Variants in CACNA1C observed in about 807,000 individuals in gnomAD.
CACNA1C encodes calcium voltage-gated channel subunit alpha1 C.
In CACNA1C, 30 loss-of-function variants were observed where a neutral mutation model predicts 229.0. The ratio of observed to expected loss-of-function variants is 0.13; its 90% CI spans 0.10 to 0.18. The LOEUF is 0.18. Among genes scored for constraint, CACNA1C ranks in the 10% least tolerant of loss-of-function variants. The pLI is 1.00. For synonymous variants in CACNA1C, 1,114 were observed against 1,132.5 expected (o/e 0.98, Z 0.33); for missense variants, 1,658 against 2,845.0 (o/e 0.58, Z 9.49).
intron 3 of CACNA1C, among the ~76,000 whole-genome samples, chr12:2,425,619 A>G (rs997998408): frequency 6.6e-6 from 1 of 152,234 alleles, no homozygotes; most frequent in African/African-American, 2.4e-5. Context: ...CCTTACCTTT[A>G]CAATATAACC....
Position 2,649,047 on chromosome 12 carries a change from G to A in CACNA1C, c.3945+540G>A, listed in dbSNP as rs372084104. Among the ~76,000 whole-genome samples, 7 of 152,162 alleles carry A rather than the reference G, an allele frequency of 4.6e-5. No individual in the cohort carries two copies. The highest frequency in any genetic ancestry group is 7.4e-5 in the Non-Finnish European group (5 of 68,020). On this transcript the variant is annotated intron_variant, in intron 31 of 46. Transcript: ENST00000399655. The surrounding 1 kb of genome is among the most constrained non-coding windows in gnomAD (Gnocchi z 4.4). ...TCAGCTGGGATTTGTTACTGAGCGC[G>A]TGATTGAATTTCCAGTCACTCCAAC... is the stretch of plus-strand genomic sequence containing the variant.
Position 2,435,264 on chromosome 12 carries a change from C to T in CACNA1C, c.478-13712C>T, listed in dbSNP as rs570511281. Among the ~76,000 whole-genome samples the T allele has an allele frequency of 2.6e-4, 39 of 152,370 alleles. 1 individual carries two copies. In the South Asian group the frequency reaches 5.8e-3, roughly 23 times the overall value. ...CATCCTGACCACCAGCCCCAGCAAT[C>T]GCCTTTTCTCCAAATCCTTAAACTG... On this transcript the variant is annotated intron_variant, in intron 3 of 46. Transcript: ENST00000399655.
intron 3 of CACNA1C, among the ~76,000 whole-genome samples, chr12:2,269,542 T>G (rs1056942204): frequency 6.6e-6 from 1 of 152,206 alleles, no homozygotes; most frequent in Non-Finnish European, 1.5e-5. Flanking sequence ...GATTATCTAC[T>G]TAGGACAGGT....
intron 4 of CACNA1C, among the ~76,000 whole-genome samples, chr12:2,451,228 G>A (rs1361780180): frequency 6.6e-6 from 1 of 152,204 alleles, no homozygotes; most frequent in Non-Finnish European, 1.5e-5. Context: ...GTGGCTAAAC[G>A]CATGCCTTGA....
At chr12:2,106,563 T>TG (rs1223600138) in intron 1 of CACNA1C, among the ~76,000 whole-genome samples, 2 of 116,706 alleles carry the variant, frequency 1.7e-5, no homozygotes, top group African/African-American at 6.5e-5. Flanking sequence ...CCACCTCAGC[T>TG]GGGCATCCTG....
In CACNA1C at chr12:2,677,627, G is replaced by A. The variant is rs2096890837; in HGVS notation, c.4957-106G>A. 2.3e-6 allele frequency: 3 copies of A among 1,304,800 alleles called. No individual in the cohort carries two copies. Among genetic ancestry groups the A allele is most frequent in the African/African-American group, 1.5e-5 (1 of 68,574 alleles). 80.8% of individuals were successfully genotyped at this position (1,304,800 alleles called of 1,614,324 possible). ...CCGGAGGGTCGACTGGCTGGGTGGA[G>A]GATGCCAGGGCCCTGGAGGGACAGG... On this transcript the variant is annotated intron_variant, in intron 40 of 46. Coordinates refer to ENST00000399655, the MANE Select transcript of CACNA1C (RefSeq NM_000719.7). The surrounding 1 kb of genome is among the most constrained non-coding windows in gnomAD (Gnocchi z 7.4).
Position 2,479,943 on chromosome 12 carries a change from G to C in CACNA1C, c.758-6161G>C, listed in dbSNP as rs959841203. Among the ~76,000 whole-genome samples, 1 of 152,228 alleles carries C rather than the reference G, an allele frequency of 6.6e-6. No individual in the cohort carries two copies. Among genetic ancestry groups the C allele is most frequent in the Non-Finnish European group, 1.5e-5 (1 of 68,048 alleles). Reference sequence around the variant, plus strand: ...TTGTGGTTAAGATTGCCCCAGTAAAGCCAGCAGAGTAGAGGACCCCTGGCC... The same window carrying C: ...TTGTGGTTAAGATTGCCCCAGTAAACCCAGCAGAGTAGAGGACCCCTGGCC... On this transcript the variant is annotated intron_variant, in intron 5 of 46. Transcript: ENST00000399655. This position sits in a 1 kb window ranked among gnomAD's most constrained non-coding sequence, Gnocchi z 4.3.
intron 3 of CACNA1C, among the ~76,000 whole-genome samples, chr12:2,143,755 AG>A (rs1170461501): frequency 1.3e-5 from 2 of 151,178 alleles, no homozygotes; most frequent in Non-Finnish European, 3.0e-5. Flanking sequence ...TAAACTTTAA[AG>A]GACTTTGTTG....
intron 1 of CACNA1C, among the ~76,000 whole-genome samples, chr12:1,987,635 A>G (rs191580040): frequency 5.3e-5 from 8 of 152,260 alleles, no homozygotes; most frequent in Admixed American, 5.2e-4. Flanking sequence ...TTTCCCATAT[A>G]TCATGTATGT....
chr12:2,621,137 G>A (rs759819709), intron 29 of CACNA1C, among the ~76,000 whole-genome samples: 15 of 152,194 alleles, frequency 9.9e-5, no homozygotes, highest in East Asian at 7.7e-4. Flanking sequence ...GTTCTTGAGC[G>A]CCTCAGTGAT....
At chr12:2,667,216 TAGTG>T (rs1033602066) in intron 37 of CACNA1C, among the ~76,000 whole-genome samples, 1 of 152,222 alleles carries the variant, frequency 6.6e-6, no homozygotes, top group African/African-American at 2.4e-5. Flanking sequence ...TCAGATTCCT[TAGTG>T]AGACCATGAC....
chr12:2,661,308 CACACACAA>C lies in CACNA1C; in HGVS notation c.4233-3516_4233-3509del, dbSNP rs1424672900. ...ACACACACACACACACACACACACA[CACACACAA>C]GATTTTTCTAAGAGTAGCAGACAAA... On this transcript the variant is annotated intron_variant, in intron 34 of 46. Transcript: ENST00000399655. Among the ~76,000 whole-genome samples, 254 of 150,774 alleles carry C rather than the reference CACACACAA, an allele frequency of 1.7e-3. No individual in the cohort carries two copies. The Middle Eastern group carries it at 0.034, about 20-fold the overall frequency.
rs1316992539 is a variant in CACNA1C, at chr12:2,630,981, A to G, written c.3829-3316A>G. Among the ~76,000 whole-genome samples, 1 of 152,094 alleles carries G rather than the reference A, an allele frequency of 6.6e-6. No homozygotes were observed. Among genetic ancestry groups the G allele is most frequent in the African/African-American group, 2.4e-5 (1 of 41,404 alleles). ...GGCTGTGCCTTCTGTCTGCACATAT[A>G]CAAAGAAATCTGGGAGAAAGGGTGA... is the stretch of plus-strand genomic sequence containing the variant. On this transcript the variant is annotated intron_variant, in intron 29 of 46. Coordinates refer to ENST00000399655, the MANE Select transcript of CACNA1C (RefSeq NM_000719.7). This position sits in a 1 kb window ranked among gnomAD's most constrained non-coding sequence, Gnocchi z 5.4.
intron 1 of CACNA1C, among the ~76,000 whole-genome samples, chr12:1,996,990 C>T (rs955852659): frequency 6.6e-6 from 1 of 152,062 alleles, no homozygotes; most frequent in African/African-American, 2.4e-5. Context: ...AAGGTGATGA[C>T]CTTTGGCTAT....
intron 9 of CACNA1C, among the ~76,000 whole-genome samples, chr12:2,528,632 C>T (rs1488838041): frequency 6.6e-6 from 1 of 152,166 alleles, no homozygotes; most frequent in Non-Finnish European, 1.5e-5. Context: ...AGTTTTGCAG[C>T]GGAGAAAGCG....
intron 1 of CACNA1C, among the ~76,000 whole-genome samples, chr12:2,069,046 GAAGGAGAA>G (rs1361103684): frequency 6.6e-6 from 1 of 152,160 alleles, no homozygotes; most frequent in Non-Finnish European, 1.5e-5. Context: ...TTAATAAAAT[GAAGGAGAA>G]AAGAAAATTT....
chr12:2,440,893 T>A (rs1185285036), intron 3 of CACNA1C, among the ~76,000 whole-genome samples: 6 of 152,152 alleles, frequency 3.9e-5, no homozygotes, highest in Non-Finnish European at 7.3e-5. Context: ...GTGCTGCAAC[T>A]CTCAGGAAGT....
chr12:2,255,693 T>A (rs371899796), intron 3 of CACNA1C, among the ~76,000 whole-genome samples: 4 of 152,168 alleles, frequency 2.6e-5, no homozygotes, highest in African/African-American at 9.7e-5. Context: ...TTAGGATAAG[T>A]CAGATGAGAT....
chr12:2,135,563 G>GGGCC lies in CACNA1C; in HGVS notation c.477+15133_477+15134insGGCC, dbSNP rs2093259270. Among the ~76,000 whole-genome samples, 5 of 133,146 alleles carry GGGCC rather than the reference G, an allele frequency of 3.8e-5. No individual in the cohort carries two copies. In the East Asian group the frequency reaches 1.0e-3, roughly 28 times the overall value. The allele number at this position is 133,146 out of a possible 152,430, so 87.3% of individuals were successfully genotyped here. The stretch of plus-strand genomic sequence containing the variant: ...AGCTGCAGGTCTGTTGGAGTACCCT[G>GGGCC]CTGTGAGAGGTGTCAGTCTGCCCCT... On this transcript the variant is annotated intron_variant, in intron 3 of 46. Transcript: ENST00000399655.
Sources: allele counts gnomAD v4.1 joint callset (sites outside exome capture counted in the v4.1 genomes callset), GRCh38; gene constraint gnomAD v4.1.1; non-coding constraint Gnocchi (gnomAD v3.1); transcripts MANE v1.5; gene names NCBI Gene and HGNC (gene_info 2026-07-23, HGNC 2026-07-21).